Variants in DOP1A observed in about 807,000 individuals in gnomAD.
The protein encoded by DOP1A is DOP1 leucine zipper like protein A.
DOP1A carries 90 observed loss-of-function variants against 267.6 expected under a neutral mutation model. That is an observed-to-expected ratio of 0.34 (90% CI 0.28 to 0.40). The LOEUF is 0.40. Ranked by LOEUF, DOP1A falls within the 10% of genes least tolerant of loss-of-function variation. DOP1A has a pLI of 1.00. For synonymous variants in DOP1A, 932 were observed against 999.1 expected (o/e 0.93, Z 1.27); for missense variants, 2,437 against 2,900.4 (o/e 0.84, Z 3.67).
chr6:83,078,966 T>C (rs1475420442), intron 1 of DOP1A, among the ~76,000 whole-genome samples: 3 of 152,176 alleles, frequency 2.0e-5, no homozygotes, highest in African/African-American at 2.4e-5. Context: ...GGGATGGACA[T>C]TGAAGGGTTG....
Position 83,142,057 on chromosome 6 carries a change from A to C in DOP1A, c.5541+11A>C. 6.2e-7 allele frequency: 1 copy of C among 1,608,414 alleles called. No individual in the cohort carries two copies. Among genetic ancestry groups the C allele is most frequent in the African/African-American group, 1.3e-5 (1 of 74,570 alleles). On this transcript the variant is annotated intron_variant, in intron 24 of 38. Transcript: ENST00000349129. ...ACCACCAGGACCAAGGTATGTATTTAGACATTTGGCACTTTTTGTTTTTGC... is the reference window on the plus strand; with the variant it reads ...ACCACCAGGACCAAGGTATGTATTTCGACATTTGGCACTTTTTGTTTTTGC...
intron 1 of DOP1A, among the ~76,000 whole-genome samples, chr6:83,079,587 T>C (rs1767723351): frequency 6.6e-6 from 1 of 152,118 alleles, no homozygotes; most frequent in African/African-American, 2.4e-5. Context: ...GCATACTATT[T>C]ATTTTTTAAA....
At chr6:83,107,860 C>A (rs949366398) in intron 4 of DOP1A, among the ~76,000 whole-genome samples, 2 of 152,154 alleles carry the variant, frequency 1.3e-5, no homozygotes, top group African/African-American at 4.8e-5. Flanking sequence ...GAAAGGAATT[C>A]TTCAGTATAG....
chr6:83,139,644 CTG>C (rs1329863519), intron 21 of DOP1A, among the ~76,000 whole-genome samples: 1 of 152,148 alleles, frequency 6.6e-6, no homozygotes, highest in Non-Finnish European at 1.5e-5. Flanking sequence ...TTCCAGTAGA[CTG>C]TCATTTTTCT....
rs747752962 is a variant in DOP1A at position 83,158,587 on chromosome 6, G to A, written c.6762G>A (p.Met2254Ile). ...ITELVQVFLL[M>I]EQELTADEDI... ...TTCAGGTACAAGTATTTTTACTGAT[G>A]GAGCAGGAACTCACTGCTGATGAAG... is the stretch of plus-strand genomic sequence containing the variant. The change falls in exon 36 of 39, where the codon ATG (methionine) becomes ATA (isoleucine). Residue 2254 changes from methionine (M) to isoleucine (I), a missense_variant. By Grantham distance (10) the Met-to-Ile change is conservative (BLOSUM62 1). Coordinates refer to ENST00000349129, the MANE Select transcript of DOP1A (RefSeq NM_015018.4). 4 of 1,607,502 alleles carry A rather than the reference G, an allele frequency of 2.5e-6. 1 individual carries two copies. The South Asian group carries it at 4.5e-5, about 18-fold the overall frequency.
At chr6:83,165,946 CCAAA>C (rs1457408578) in intron 38 of DOP1A, 7 of 365,910 alleles carry the variant, frequency 1.9e-5, no homozygotes, top group South Asian at 4.7e-5. Context: ...CAGCAAACCA[CCAAA>C]CAATGACCAT....
intron 9 of DOP1A, among the ~76,000 whole-genome samples, chr6:83,120,354 A>G (rs544163114): frequency 5.3e-5 from 8 of 152,070 alleles, no homozygotes; most frequent in Non-Finnish European, 2.9e-5. Flanking sequence ...AGACACTGCC[A>G]TGATAATGTG....
chr6:83,142,133 CG>C, intron 24 of DOP1A, 87 bp downstream of exon 24: 1 of 1,484,570 alleles, frequency 6.7e-7, no homozygotes, highest in Non-Finnish European at 9.1e-7. Flanking sequence ...GCAGTGGGGC[CG>C]GGGTAGATTC....
At chr6:83,123,055 C>A (rs544929705) in intron 12 of DOP1A, 73 bp downstream of exon 12, 14 of 1,469,480 alleles carry the variant, frequency 9.5e-6, no homozygotes, top group Middle Eastern at 2.3e-4. Flanking sequence ...TAAGTTGTTA[C>A]ATTTAATGAA....
rs76698685 is a variant in DOP1A at position 83,143,036 on chromosome 6, G to A, written c.5541+990G>A. ...CATTCACACCATATTACATTATTTT[G>A]CATGTGAAGATTCAGTAGTAGATAT... On this transcript the variant is annotated intron_variant, in intron 24 of 38. Coordinates refer to ENST00000349129, the MANE Select transcript of DOP1A (RefSeq NM_015018.4). Among the ~76,000 whole-genome samples, 52 of 152,110 alleles carry A rather than the reference G, an allele frequency of 3.4e-4. No individual in the cohort carries two copies. In the East Asian group the frequency reaches 9.7e-3, roughly 28 times the overall value.
At chr6:83,167,554 T>C (rs1786068870) in intron 38 of DOP1A, 1 of 1,056,848 alleles carries the variant, frequency 9.5e-7, no homozygotes, top group East Asian at 6.9e-5. Context: ...TTTGAGTAAA[T>C]ACAAAGCACA....
intron 23 of DOP1A, among the ~76,000 whole-genome samples, chr6:83,141,696 CTT>C (rs1272184694): frequency 7.2e-5 from 11 of 151,962 alleles, no homozygotes; most frequent in Non-Finnish European, 2.9e-5. Context: ...AGTGAATAGA[CTT>C]TTATTTGGCT....
chr6:83,137,378 A>T lies in DOP1A; in HGVS notation c.3336A>T (p.Gly1112=), dbSNP rs1344782388. The T allele has an allele frequency of 6.2e-7, 1 of 1,613,874 alleles. No homozygotes were observed. Among genetic ancestry groups the T allele is most frequent in the Admixed American group, 1.7e-5 (1 of 60,000 alleles). Residue 1112 remains glycine, a synonymous_variant, in exon 21 of 39, where the codon GGA becomes GGT. Coordinates refer to ENST00000349129, the MANE Select transcript of DOP1A (RefSeq NM_015018.4). ...QIEILQSSDS[G]CSQSSAGDNL... Reference sequence around the variant, plus strand: ...AAATACTTCAGAGTTCTGACTCGGGATGTTCACAGTCCTCTGCTGGGGACA... The same window carrying T: ...AAATACTTCAGAGTTCTGACTCGGGTTGTTCACAGTCCTCTGCTGGGGACA...
At chr6:83,143,125 T>A (rs1313792532) in intron 24 of DOP1A, among the ~76,000 whole-genome samples, 1 of 152,194 alleles carries the variant, frequency 6.6e-6, no homozygotes, top group Non-Finnish European at 1.5e-5. Context: ...TGATTTAACA[T>A]GGCATGTTGA....
At position 83,097,765 on chromosome 6, in the gene DOP1A, T is replaced by A. The variant is rs187712988; in HGVS notation, c.138+650T>A. Among the ~76,000 whole-genome samples, 441 of 152,128 alleles carry A rather than the reference T, an allele frequency of 2.9e-3. 2 individuals are homozygous for A. The highest frequency in any genetic ancestry group is 3.2e-3 in the Non-Finnish European group (219 of 67,974). ...GCATACCCATAGTTAAGGTTTTTTT[T>A]AAATTGTTATTGAATGGGAGTGTTT... On this transcript the variant is annotated intron_variant, in intron 3 of 38. Transcript: ENST00000349129.
intron 4 of DOP1A, among the ~76,000 whole-genome samples, chr6:83,101,259 G>A (rs528122395): frequency 2.0e-5 from 3 of 152,066 alleles, no homozygotes; most frequent in Non-Finnish European, 2.9e-5. Context: ...CTCATGATCC[G>A]CCTGCCTCTG....
At chr6:83,104,746 A>G (rs34506996) in intron 4 of DOP1A, among the ~76,000 whole-genome samples, 359 of 152,238 alleles carry the variant, frequency 2.4e-3, no homozygotes, top group Non-Finnish European at 2.9e-3. Context: ...GCATCAGCCT[A>G]AAGTTCTTAA....
chr6:83,093,700 G>A (rs1267316708), intron 1 of DOP1A, among the ~76,000 whole-genome samples: 2 of 152,200 alleles, frequency 1.3e-5, no homozygotes, highest in Non-Finnish European at 2.9e-5. Context: ...GAGGTCAGGA[G>A]TTCGAGACCA....
At chr6:83,080,897 A>C (rs1256644925) in intron 1 of DOP1A, among the ~76,000 whole-genome samples, 1 of 152,184 alleles carries the variant, frequency 6.6e-6, no homozygotes, top group Non-Finnish European at 1.5e-5. Context: ...GAAATAGAAA[A>C]AAGAAAATCC....
Sources: gnomAD v4.1 joint callset for allele counts (sites outside exome capture counted in the v4.1 genomes callset) on GRCh38, gnomAD v4.1.1 for gene constraint, MANE v1.5 for transcripts, NCBI Gene and HGNC (gene_info 2026-07-23, HGNC 2026-07-21) for gene names.